The following AP1M1 variants were observed in gnomAD, a reference collection of about 807,000 sequenced individuals.
AP1M1 encodes the protein AP-1 complex subunit mu-1.
AP1M1 carries 18 observed loss-of-function variants against 57.1 expected under a neutral mutation model. The observed-to-expected ratio is 0.32, with a 90% confidence interval of 0.22 to 0.47. The LOEUF is 0.47. AP1M1 is among the 20% of genes least tolerant of loss of function. The probability of loss-of-function intolerance (pLI) is 1.00; values close to 1 mark genes in which losing one functional copy is unlikely to be tolerated. For missense variants in AP1M1, 362 were observed against 593.5 expected (o/e 0.61, Z 4.05); for synonymous variants, 241 against 237.9 (o/e 1.01, Z -0.12).
Position 16,206,508 on chromosome 19 carries a change from TC to T in AP1M1, c.267+104del. The T allele has an allele frequency of 7.8e-7, 1 of 1,283,986 alleles. No individual in the cohort carries two copies. 79.5% of individuals were successfully genotyped at this position (1,283,986 alleles called of 1,614,324 possible). ...GGCCACCCTACAGAGAGCTGTGGCA[TC>T]CCCAGGGAGCACTGGGGCTGGAAGC... On this transcript the variant is annotated intron_variant, in intron 3 of 11. Transcript: ENST00000291439. The surrounding 1 kb of genome is among the most constrained non-coding windows in gnomAD (Gnocchi z 4.3).
chr19:16,219,390 G>GTTTTT (rs1296602911), intron 5 of AP1M1, among the ~76,000 whole-genome samples: 1 of 75,996 alleles, frequency 1.3e-5, no homozygotes, highest in Non-Finnish European at 3.7e-5. Context: ...ATTCATTTTT[G>GTTTTT]TTTTTTTGTT....
At chr19:16,225,289 A>G (rs2091566392) in intron 5 of AP1M1, among the ~76,000 whole-genome samples, 1 of 152,216 alleles carries the variant, frequency 6.6e-6, no homozygotes, top group Non-Finnish European at 1.5e-5. Context: ...GGCCCTGCAC[A>G]TGTTAGCCTG....
rs183107404 is a variant in AP1M1, at chr19:16,207,016, G to A, written c.267+608G>A. Among the ~76,000 whole-genome samples the A allele has an allele frequency of 6.6e-6, 1 of 152,224 alleles. No individual in the cohort carries two copies. Among genetic ancestry groups the A allele is most frequent in the South Asian group, 2.1e-4 (1 of 4,830 alleles). On this transcript the variant is annotated intron_variant, in intron 3 of 11. Transcript: ENST00000291439. The surrounding 1 kb of genome is among the most constrained non-coding windows in gnomAD (Gnocchi z 4.2). The stretch of plus-strand genomic sequence containing the variant: ...ATTCCACTTCTGATGAAAGGTAGTG[G>A]AGGGCTTTAAGCAGGAGACTGACAA...
rs768123276 is a variant in AP1M1, at chr19:16,226,498, C to T, written c.624C>T (p.Pro208=). 6.3e-7 allele frequency: 1 copy of T among 1,588,344 alleles called. No individual in the cohort carries two copies. The highest frequency in any genetic ancestry group is 8.6e-7 in the Non-Finnish European group (1 of 1,167,056). The change falls in exon 6 of 12, where the codon CCC becomes CCT. Residue 208 remains proline (P), a synonymous_variant. Transcript: ENST00000291439. ...TGCGAGTCTTCCTCTCGGGCATGCC[C>T]GAGCTGCGCCTGGGCCTCAACGACA... ...IKMRVFLSGM[P]ELRLGLNDKV...
intron 5 of AP1M1, among the ~76,000 whole-genome samples, chr19:16,217,091 G>T (rs1361318161): frequency 1.3e-5 from 2 of 152,222 alleles, no homozygotes; most frequent in Admixed American, 1.3e-4. Flanking sequence ...CGATGATGGG[G>T]TTAGCATGGG....
Position 16,241,390 on chromosome 19 carries a change from GAAGA to G in AP1M1, c.*6960_*6963del. 1 of 152,014 alleles carries G rather than the reference GAAGA, an allele frequency of 6.6e-6. No homozygotes were observed. The allele number at this position is 152,014 out of a possible 1,614,324, so 9.4% of individuals were successfully genotyped here. ...AAGGAACTTGTGTACATAAGGAAAG[GAAGA>G]AAGATGTGAGAAGGAATGCCGGAAA... On this transcript the variant is annotated 3_prime_UTR_variant, in exon 12 of 12. Transcript: ENST00000291439.
At position 16,208,096 on chromosome 19, in the gene AP1M1, C is replaced by G; in HGVS notation, c.345C>G (p.Asp115Glu). Residue 115 changes from aspartate to glutamate, a missense_variant, in exon 4 of 12, where the codon GAC becomes GAG. Asp to Glu is a conservative substitution (Grantham distance 45). Transcript: ENST00000291439. ...DNFVIIYELL[D>E]ELMDFGYPQT... ...TTGTTATCATCTACGAGCTGCTGGA[C>G]GAGCTCATGGACTTCGGCTACCCCC... is the stretch of plus-strand genomic sequence containing the variant. 1 of 1,613,790 alleles carries G rather than the reference C, an allele frequency of 6.2e-7. No homozygotes were observed. The highest frequency in any genetic ancestry group is 8.5e-7 in the Non-Finnish European group (1 of 1,179,866).
intron 1 of AP1M1, among the ~76,000 whole-genome samples, chr19:16,200,040 G>A (rs1035410324): frequency 1.3e-5 from 2 of 152,138 alleles, no homozygotes; most frequent in Non-Finnish European, 2.9e-5. Context: ...GTCAAAAGAG[G>A]CTTTTATGGA....
At position 16,206,302 on chromosome 19, in the gene AP1M1, C is replaced by T. The variant is rs778795131; in HGVS notation, c.200-39C>T. On this transcript the variant is annotated intron_variant, in intron 2 of 11. Coordinates refer to ENST00000291439, the MANE Select transcript of AP1M1 (RefSeq NM_032493.4). This position sits in a 1 kb window ranked among gnomAD's most constrained non-coding sequence, Gnocchi z 4.3. The stretch of plus-strand genomic sequence containing the variant: ...AACCAGGATCTTCCAGGCAGCAGCC[C>T]CAGCCTCTGAATGCTCCTTAACTGT... 2.5e-6 allele frequency: 4 copies of T among 1,608,892 alleles called. No individual in the cohort carries two copies. The highest frequency in any genetic ancestry group is 2.7e-5 in the African/African-American group (2 of 74,818).
chr19:16,232,357 C>T (rs991433267), intron 9 of AP1M1, among the ~76,000 whole-genome samples: 3 of 152,246 alleles, frequency 2.0e-5, no homozygotes, highest in African/African-American at 7.2e-5. Flanking sequence ...CTCGGCTCAA[C>T]GTGACGACAC....
Position 16,234,485 on chromosome 19 carries a change from C to T in AP1M1, c.*50C>T. ...GCCTCGGGGCTCCTGGTGGCAGCAC[C>T]AGGGGACACACCTGCCAAACCCACC... On this transcript the variant is annotated 3_prime_UTR_variant, in exon 12 of 12. Coordinates refer to ENST00000291439, the MANE Select transcript of AP1M1 (RefSeq NM_032493.4). 6.2e-7 allele frequency: 1 copy of T among 1,610,160 alleles called. No individual in the cohort carries two copies. The highest frequency in any genetic ancestry group is 8.5e-7 in the Non-Finnish European group (1 of 1,178,648).
chr19:16,232,952 C>CAGAG (rs1384758174), intron 9 of AP1M1, among the ~76,000 whole-genome samples: 1 of 152,216 alleles, frequency 6.6e-6, no homozygotes, highest in African/African-American at 2.4e-5. Context: ...GGAGCAGGAC[C>CAGAG]CAGGGCTGAA....
chr19:16,197,984 C>CCGCCACCGCCCTCGGCCGCTGCCGT lies in AP1M1; in HGVS notation c.-19_-18insTCGCCACCGCCCTCGGCCGCTGCCG. On this transcript the variant is annotated 5_prime_UTR_variant, in exon 1 of 12. Transcript: ENST00000291439. ...CCAGCAGTCCCCACCGTCGCTGCCG[C>CCGCCACCGCCCTCGGCCGCTGCCGT]CGCCACCGCCCTCGGCCGCTGCCGA... The CCGCCACCGCCCTCGGCCGCTGCCGT allele has an allele frequency of 6.5e-7, 1 of 1,536,190 alleles. No individual in the cohort carries two copies. Among genetic ancestry groups the CCGCCACCGCCCTCGGCCGCTGCCGT allele is most frequent in the Non-Finnish European group, 8.8e-7 (1 of 1,142,750 alleles).
At chr19:16,199,307 A>T (rs2091437803) in intron 1 of AP1M1, among the ~76,000 whole-genome samples, 1 of 152,200 alleles carries the variant, frequency 6.6e-6, no homozygotes. Flanking sequence ...AGCTGGACAT[A>T]AACTAGAACC....
At chr19:16,215,177 A>C (rs1253165948) in intron 5 of AP1M1, among the ~76,000 whole-genome samples, 1 of 75,096 alleles carries the variant, frequency 1.3e-5, no homozygotes, top group Non-Finnish European at 2.6e-5. Context: ...TAATCCCAGC[A>C]CTTTGGGAGG....
chr19:16,206,363 C>T lies in AP1M1; in HGVS notation c.222C>T (p.Asn74=), dbSNP rs150267214. The change falls in exon 3 of 12, where the codon AAC becomes AAT. Residue 74 remains asparagine, a synonymous_variant. Transcript: ENST00000291439. This position sits in a 1 kb window ranked among gnomAD's most constrained non-coding sequence, Gnocchi z 4.3. ...CAGTGGTTGCCACATCCAAGAAGAA[C>T]GCGTGCGTGTCGCTGGTCTTTTCTT... The part of the protein sequence containing the change: ...NLYLVATSKK[N]ACVSLVFSFL... 5.1e-5 allele frequency: 83 copies of T among 1,614,152 alleles called. No individual in the cohort carries two copies. Among genetic ancestry groups the T allele is most frequent in the African/African-American group, 1.2e-4 (9 of 75,052 alleles).
Position 16,234,398 on chromosome 19 carries a change from C to T in AP1M1, c.1250-15C>T. ...GGTGCAGAGCCCAGCATGACGCCTC[C>T]CTCCTGTCTCCTAGATTACCAGCTC... On this transcript the variant is annotated splice_polypyrimidine_tract_variant and intron_variant, in intron 11 of 11. Transcript: ENST00000291439. 1 of 1,613,942 alleles carries T rather than the reference C, an allele frequency of 6.2e-7. No individual in the cohort carries two copies. Among genetic ancestry groups the T allele is most frequent in the Non-Finnish European group, 8.5e-7 (1 of 1,179,954 alleles).
Position 16,228,909 on chromosome 19 carries a change from GGTCCATCAA to G in AP1M1, c.1033_1041del (p.Ile345_Ser347del). 1 of 1,614,078 alleles carries G rather than the reference GGTCCATCAA, an allele frequency of 6.2e-7. No homozygotes were observed. The highest frequency in any genetic ancestry group is 8.5e-7 in the Non-Finnish European group (1 of 1,179,962). On this transcript the variant is annotated inframe_deletion, in exon 9 of 12. Transcript: ENST00000291439. The surrounding 1 kb of genome is among the most constrained non-coding windows in gnomAD (Gnocchi z 5.0). ...GTCCCCGAGAACAGCGAGATCGTGT[GGTCCATCAA>G]GTCCTTCCCGGTGAGCACTCTGTCC...
intron 5 of AP1M1, chr19:16,210,341 T>A: frequency 1.4e-6 from 1 of 717,228 alleles, no homozygotes; most frequent in South Asian, 1.5e-5. Flanking sequence ...TGTGTGGACA[T>A]AAGTTTTCAT....
Sources: allele counts gnomAD v4.1 joint callset (sites outside exome capture counted in the v4.1 genomes callset), GRCh38; gene constraint gnomAD v4.1.1; non-coding constraint Gnocchi (gnomAD v3.1); transcripts MANE v1.5; gene names NCBI Gene and HGNC (gene_info 2026-07-23, HGNC 2026-07-21).